Variants in SUSD5 observed in about 807,000 individuals in gnomAD.
SUSD5 encodes the protein sushi domain containing 5, also known as sushi domain-containing protein 5.
A neutral mutation model predicts 29.5 loss-of-function variants in SUSD5; 33 were observed. The ratio of observed to expected loss-of-function variants is 1.12; its 90% CI spans 0.85 to 1.49. The LOEUF is 1.49. Ranked by LOEUF, SUSD5 falls within the 40% of genes most tolerant of loss-of-function variation. The pLI is 0.00. For synonymous variants in SUSD5, 308 were observed against 325.3 expected, an observed-to-expected ratio of 0.95 and a Z score of 0.57; for missense variants, 776 against 800.6, an observed-to-expected ratio of 0.97 and a Z score of 0.37.
intron 3 of SUSD5, among the ~76,000 whole-genome samples, chr3:33,202,077 TATC>T (rs556129087): frequency 1.4e-5 from 2 of 146,902 alleles, no homozygotes; most frequent in Non-Finnish European, 3.0e-5. Context: ...TCTATCTATC[TATC>T]ATCTATCTAT....
chr3:33,183,314 C>A (rs2031710868), intron 3 of SUSD5, among the ~76,000 whole-genome samples: 1 of 152,062 alleles, frequency 6.6e-6, no homozygotes, highest in South Asian at 2.1e-4. Context: ...CTATTTTTGT[C>A]TTCTATGTTT....
At chr3:33,191,694 C>T (rs2031894184) in intron 3 of SUSD5, among the ~76,000 whole-genome samples, 3 of 152,086 alleles carry the variant, frequency 2.0e-5, no homozygotes, top group Admixed American at 6.5e-5. Context: ...CCTGTAATCC[C>T]AGCACTTTGG....
chr3:33,196,534 T>A (rs4371466), intron 3 of SUSD5, among the ~76,000 whole-genome samples: 1 of 152,090 alleles, frequency 6.6e-6, no homozygotes, highest in East Asian at 1.9e-4. Flanking sequence ...TGTCAGGATA[T>A]CTTTGTTTTA....
At position 33,150,216 on chromosome 3, in the gene SUSD5, A is replaced by G. The variant is rs2030836290; in HGVS notation, c.*2526T>C. The G allele has an allele frequency of 6.6e-6, 1 of 152,166 alleles. No individual in the cohort carries two copies. 9.4% of individuals were successfully genotyped at this position (152,166 alleles called of 1,614,324 possible). On this transcript the variant is annotated 3_prime_UTR_variant, in exon 5 of 5. Coordinates refer to ENST00000309558, the MANE Select transcript of SUSD5 (RefSeq NM_015551.2). ...TCAACATGAATTTTTAGATTCTATAACATTAATTTAGAGGATACCACACCA... is the reference window on the plus strand; with the variant it reads ...TCAACATGAATTTTTAGATTCTATAGCATTAATTTAGAGGATACCACACCA...
At chr3:33,157,206 G>A (rs2031075017) in intron 4 of SUSD5, among the ~76,000 whole-genome samples, 1 of 152,178 alleles carries the variant, frequency 6.6e-6, no homozygotes, top group African/African-American at 2.4e-5. Flanking sequence ...GATCACTGGT[G>A]AACAGGATAA....
At chr3:33,208,965 C>G (rs1196883421) in intron 2 of SUSD5, among the ~76,000 whole-genome samples, 1 of 152,116 alleles carries the variant, frequency 6.6e-6, no homozygotes, top group Non-Finnish European at 1.5e-5. Context: ...TTTCCTCCTG[C>G]CTGAAGAGCA....
At chr3:33,199,940 T>C (rs2032077951) in intron 3 of SUSD5, among the ~76,000 whole-genome samples, 2 of 152,226 alleles carry the variant, frequency 1.3e-5, no homozygotes, top group Admixed American at 1.3e-4. Context: ...TTCCTCTCAC[T>C]TTCTGCCATG....
At chr3:33,213,820 C>T (rs2032372735) in intron 2 of SUSD5, 108 bp downstream of exon 2, 1 of 1,173,850 alleles carries the variant, frequency 8.5e-7, no homozygotes, top group Non-Finnish European at 1.2e-6. Flanking sequence ...CGCTACTGCC[C>T]ACTGTACTCT....
At chr3:33,161,223 A>G (rs1289470661) in intron 4 of SUSD5, among the ~76,000 whole-genome samples, 3 of 152,196 alleles carry the variant, frequency 2.0e-5, no homozygotes, top group African/African-American at 7.2e-5. Context: ...ACATTTGACA[A>G]TAGCATAGAA....
At chr3:33,171,776 T>A (rs1281142797) in intron 4 of SUSD5, among the ~76,000 whole-genome samples, 2 of 152,166 alleles carry the variant, frequency 1.3e-5, no homozygotes, top group African/African-American at 4.8e-5. Flanking sequence ...AACGCATACA[T>A]GTTAGCTTTC....
intron 4 of SUSD5, among the ~76,000 whole-genome samples, chr3:33,158,547 C>T (rs2031105231): frequency 6.6e-6 from 1 of 152,184 alleles, no homozygotes; most frequent in Non-Finnish European, 1.5e-5. Context: ...AAGCTTGCTC[C>T]TAATGCAAAG....
At chr3:33,205,092 C>T (rs75732341) in intron 3 of SUSD5, among the ~76,000 whole-genome samples, 5,824 of 151,984 alleles carry the variant, frequency 0.038, 321 homozygotes, top group African/African-American at 0.13. Flanking sequence ...GTACATATGA[C>T]GTCCCTTTGT....
chr3:33,175,100 T>C, intron 3 of SUSD5, 26 bp from the exon 4 acceptor site: 6 of 1,612,018 alleles, frequency 3.7e-6, no homozygotes, highest in Non-Finnish European at 5.1e-6. Flanking sequence ...CACAGTTAGC[T>C]TTTCCAAACT....
At chr3:33,170,816 A>G (rs754365978) in intron 4 of SUSD5, among the ~76,000 whole-genome samples, 1 of 152,088 alleles carries the variant, frequency 6.6e-6, no homozygotes, top group Non-Finnish European at 1.5e-5. Context: ...TCATGGTAAC[A>G]GGGGCTAGAG....
At chr3:33,200,644 T>C (rs938771946) in intron 3 of SUSD5, among the ~76,000 whole-genome samples, 2 of 152,098 alleles carry the variant, frequency 1.3e-5, no homozygotes, top group African/African-American at 2.4e-5. Flanking sequence ...ACGAGAGCTG[T>C]AGAGAAAGTC....
At chr3:33,208,591 T>A (rs1286144516) in intron 2 of SUSD5, among the ~76,000 whole-genome samples, 2 of 152,166 alleles carry the variant, frequency 1.3e-5, no homozygotes, top group African/African-American at 2.4e-5. Flanking sequence ...TCCTCTTCTT[T>A]CTTTTTTCCC....
In SUSD5 at chr3:33,153,422, T is replaced by G. The variant is rs577513217; in HGVS notation, c.1210A>C (p.Asn404His). ...GGCTGATCAGGAGTAACTAGGACGT[T>G]TTCATCCAGCCCTACTGACCCATCC... ...RGDGSVGLDE[N>H]VLVTPDQPIL... Residue 404 changes from asparagine to histidine, a missense_variant, in exon 5 of 5, where the codon AAC (asparagine) becomes CAC (histidine). Coordinates refer to ENST00000309558, the MANE Select transcript of SUSD5 (RefSeq NM_015551.2). The G allele has an allele frequency of 6.2e-6, 10 of 1,613,804 alleles. No individual in the cohort carries two copies. In the South Asian group the frequency reaches 1.1e-4, roughly 18 times the overall value.
At chr3:33,198,852 G>A (rs1229266712) in intron 3 of SUSD5, among the ~76,000 whole-genome samples, 2 of 152,144 alleles carry the variant, frequency 1.3e-5, no homozygotes, top group Non-Finnish European at 2.9e-5. Context: ...CTTTTACTTG[G>A]GGGAAAGAGA....
chr3:33,180,340 T>C (rs2031641934), intron 3 of SUSD5, among the ~76,000 whole-genome samples: 1 of 151,768 alleles, frequency 6.6e-6, no homozygotes, highest in South Asian at 2.1e-4. Context: ...GTCTTAGTTT[T>C]TAACAATAAA....
Sources: gnomAD v4.1 joint callset for allele counts (sites outside exome capture counted in the v4.1 genomes callset) on GRCh38, gnomAD v4.1.1 for gene constraint, MANE v1.5 for transcripts, NCBI Gene and HGNC (gene_info 2026-07-23, HGNC 2026-07-21) for gene names.